Variants in BPNT2 observed in about 807,000 individuals in gnomAD.
BPNT2 encodes the protein 3'(2'), 5'-bisphosphate nucleotidase 2, also known as Golgi-resident adenosine 3',5'-bisphosphate 3'-phosphatase.
Under a neutral mutation model 29.3 loss-of-function variants are expected in BPNT2, and 11 were observed. That is an observed-to-expected ratio of 0.38 (90% confidence interval 0.24 to 0.62). The LOEUF (loss-of-function observed/expected upper bound fraction) is 0.62, where lower values mean the gene tolerates loss of function less well. Among genes scored for constraint, BPNT2 ranks in the 20% least tolerant of loss-of-function variants. BPNT2 has a pLI of 0.62. For missense variants in BPNT2, 459 were observed against 473.4 expected, an observed-to-expected ratio of 0.97 and a Z score of 0.28; for synonymous variants, 195 against 187.7, an observed-to-expected ratio of 1.04 and a Z score of -0.32.
At chr8:56,974,561 T>C (rs942444123) in intron 3 of BPNT2, among the ~76,000 whole-genome samples, 1 of 152,084 alleles carries the variant, frequency 6.6e-6, no homozygotes, top group Non-Finnish European at 1.5e-5. Context: ...GATCTGAAAA[T>C]AACATTCCAG....
chr8:56,970,837 T>C (rs778596765), intron 3 of BPNT2, among the ~76,000 whole-genome samples: 1 of 151,882 alleles, frequency 6.6e-6, no homozygotes. Flanking sequence ...GATGAAGGGG[T>C]ATATAAGTAT....
At chr8:56,975,791 A>T (rs941451029) in intron 3 of BPNT2, among the ~76,000 whole-genome samples, 1 of 152,184 alleles carries the variant, frequency 6.6e-6, no homozygotes, top group Admixed American at 6.5e-5. Flanking sequence ...TATTATTTTG[A>T]AAGTGGTGTG....
chr8:56,973,648 G>GA, intron 3 of BPNT2, among the ~76,000 whole-genome samples: 1 of 152,310 alleles, frequency 6.6e-6, no homozygotes, highest in Non-Finnish European at 1.5e-5. Context: ...AGGATTAACA[G>GA]AAGACGACTT....
intron 1 of BPNT2, among the ~76,000 whole-genome samples, chr8:56,985,789 C>G (rs1297044466): frequency 2.6e-5 from 4 of 152,184 alleles, no homozygotes; most frequent in Non-Finnish European, 5.9e-5. Context: ...TCCTGAACAT[C>G]TGGAAGGCTA....
At chr8:56,967,900 A>G (rs533670256) in intron 3 of BPNT2, among the ~76,000 whole-genome samples, 24 of 152,312 alleles carry the variant, frequency 1.6e-4, no homozygotes, top group African/African-American at 5.5e-4. Flanking sequence ...AAGCTCCTGA[A>G]CTGGGAATCA....
At chr8:56,988,162 T>C (rs2129206724) in intron 1 of BPNT2, among the ~76,000 whole-genome samples, 1 of 152,332 alleles carries the variant, frequency 6.6e-6, no homozygotes, top group Admixed American at 6.5e-5. Context: ...CATGCTGTAG[T>C]GTCTCATATC....
intron 3 of BPNT2, among the ~76,000 whole-genome samples, chr8:56,975,116 A>T (rs1806111132): frequency 6.6e-6 from 1 of 152,106 alleles, no homozygotes. Context: ...TCTAGGGTAG[A>T]CCTTTTGTCT....
At chr8:56,973,698 AAAG>A (rs1456751252) in intron 3 of BPNT2, among the ~76,000 whole-genome samples, 1 of 152,180 alleles carries the variant, frequency 6.6e-6, no homozygotes, top group Non-Finnish European at 1.5e-5. Flanking sequence ...AGACGATGAG[AAAG>A]AAGATGTAGA....
rs1327919210 is a variant in BPNT2, at chr8:56,963,660, G to C, written c.*133C>G. On this transcript the variant is annotated 3_prime_UTR_variant, in exon 5 of 5. Transcript: ENST00000262644. ...TCTATTACAGGGAAAATAAGTCTCT[G>C]ATGCTTCATAAATACTTTAAAAAGT... The C allele has an allele frequency of 1.6e-5, 15 of 965,514 alleles. No homozygotes were observed. The highest frequency in any genetic ancestry group is 2.3e-5 in the Non-Finnish European group (14 of 621,438). 59.8% of individuals were successfully genotyped at this position (965,514 alleles called of 1,614,324 possible). A position where few individuals can be genotyped will look rare whatever the true frequency, so the allele number is the denominator to read the frequency against.
chr8:56,967,006 G>T (rs961384358), intron 3 of BPNT2: 1 of 359,082 alleles, frequency 2.8e-6, no homozygotes, highest in Non-Finnish European at 5.4e-6. Flanking sequence ...AAATAGAATA[G>T]AATTTTTAAA....
chr8:56,969,080 A>C (rs1563405944), intron 3 of BPNT2, among the ~76,000 whole-genome samples: 2 of 152,210 alleles, frequency 1.3e-5, no homozygotes, highest in Non-Finnish European at 2.9e-5. Context: ...GAGCCACCAG[A>C]AGCTGCAAGA....
intron 1 of BPNT2, among the ~76,000 whole-genome samples, chr8:56,986,858 T>C (rs920562012): frequency 1.3e-5 from 2 of 152,232 alleles, no homozygotes; most frequent in African/African-American, 4.8e-5. Flanking sequence ...ATATCATTCT[T>C]GCACCATTGT....
rs1159260684 is a variant in BPNT2, at chr8:56,958,706, GA to G, written c.*5086del. 5 of 152,130 alleles carry G rather than the reference GA, an allele frequency of 3.3e-5. No homozygotes were observed. The highest frequency in any genetic ancestry group is 3.3e-4 in the Admixed American group (5 of 15,264). 9.4% of individuals were successfully genotyped at this position (152,130 alleles called of 1,614,324 possible). A position where few individuals can be genotyped will look rare whatever the true frequency, so the allele number is the denominator to read the frequency against. ...CCTTGTGCATATACATCTAGTTCCT[GA>G]AGTCCACACTGCCAAAAGGGAAAAA... On this transcript the variant is annotated 3_prime_UTR_variant, in exon 5 of 5. Coordinates refer to ENST00000262644, the MANE Select transcript of BPNT2 (RefSeq NM_017813.5).
chr8:56,972,878 C>A (rs943455006), intron 3 of BPNT2, among the ~76,000 whole-genome samples: 5 of 151,512 alleles, frequency 3.3e-5, no homozygotes, highest in Non-Finnish European at 7.4e-5. Context: ...AAAAAGGGGC[C>A]ACAAAATACA....
chr8:56,988,183 A>G (rs1299175845), intron 1 of BPNT2, among the ~76,000 whole-genome samples: 1 of 152,220 alleles, frequency 6.6e-6, no homozygotes, highest in Non-Finnish European at 1.5e-5. Context: ...TTAAAAACAA[A>G]TATACCAAAA....
Position 56,959,030 on chromosome 8 carries a change from CTG to C in BPNT2, c.*4761_*4762del, listed in dbSNP as rs1805784442. On this transcript the variant is annotated 3_prime_UTR_variant, in exon 5 of 5. Coordinates refer to ENST00000262644, the MANE Select transcript of BPNT2 (RefSeq NM_017813.5). ...CAAGTCATTCCTGAACAAAAATTTA[CTG>C]TGTGTATAACATACACCTCAAAATG... The C allele has an allele frequency of 6.6e-6, 1 of 152,194 alleles. No homozygotes were observed. Among genetic ancestry groups the C allele is most frequent in the South Asian group, 2.1e-4 (1 of 4,830 alleles). 9.4% of individuals were successfully genotyped at this position (152,194 alleles called of 1,614,324 possible).
intron 1 of BPNT2, among the ~76,000 whole-genome samples, chr8:56,980,593 C>A (rs540366092): frequency 6.7e-6 from 1 of 149,530 alleles, no homozygotes; most frequent in African/African-American, 2.4e-5. Flanking sequence ...AGAAGAAAGA[C>A]GTATCATAGA....
intron 3 of BPNT2, among the ~76,000 whole-genome samples, chr8:56,972,252 A>G (rs1351737238): frequency 6.6e-6 from 1 of 152,138 alleles, no homozygotes; most frequent in Non-Finnish European, 1.5e-5. Context: ...CAAACTTTGA[A>G]TAACACCCAT....
At position 56,993,258 on chromosome 8, in the gene BPNT2, C is replaced by T. The variant is rs374711732; in HGVS notation, c.328G>A (p.Asp110Asn). The change falls in exon 1 of 5, where the codon GAC becomes AAC. Residue 110 changes from aspartate to asparagine, a missense_variant. Asp to Asn is a conservative substitution (Grantham distance 23). Coordinates refer to ENST00000262644, the MANE Select transcript of BPNT2 (RefSeq NM_017813.5). Reference protein sequence around the residue: ...EGAEDKMTSGDVLSNRKMFYL... With the variant: ...EGAEDKMTSGNVLSNRKMFYL... ...AACATCTTGCGGTTGGACAGCACGT[C>T]GCCGCTGGTCATCTTGTCCTCGGCT... The T allele has an allele frequency of 6.2e-7, 1 of 1,609,598 alleles. No homozygotes were observed. Among genetic ancestry groups the T allele is most frequent in the Non-Finnish European group, 8.5e-7 (1 of 1,179,890 alleles).
Sources: gnomAD v4.1 joint callset for allele counts (sites outside exome capture counted in the v4.1 genomes callset) on GRCh38, gnomAD v4.1.1 for gene constraint, MANE v1.5 for transcripts, NCBI Gene and HGNC (gene_info 2026-07-23, HGNC 2026-07-21) for gene names.